The following ADAM23 variants were observed in gnomAD, a reference collection of about 807,000 sequenced individuals.
ADAM23 encodes the protein disintegrin and metalloproteinase domain-containing protein 23.
Under a neutral mutation model 120.1 loss-of-function variants are expected in ADAM23, and 33 were observed. The ratio of observed to expected loss-of-function variants is 0.27; its 90% CI spans 0.21 to 0.37. The LOEUF is 0.37. Ranked by LOEUF, ADAM23 falls within the 10% of genes least tolerant of loss-of-function variation. The pLI is 1.00. For missense variants in ADAM23, 862 were observed against 1,058.2 expected (o/e 0.81, Z 2.57); for synonymous variants, 367 against 375.2 (o/e 0.98, Z 0.25).
intron 24 of ADAM23, among the ~76,000 whole-genome samples, chr2:206,597,873 C>G (rs1698560262): frequency 6.6e-6 from 1 of 152,130 alleles, no homozygotes; most frequent in Non-Finnish European, 1.5e-5. Context: ...CTCTGTAGTC[C>G]TCAATTCCTG....
At chr2:206,499,609 T>C (rs1696342578) in intron 3 of ADAM23, among the ~76,000 whole-genome samples, 1 of 151,986 alleles carries the variant, frequency 6.6e-6, no homozygotes, top group Non-Finnish European at 1.5e-5. Flanking sequence ...CTGCACGTTG[T>C]GCACATGTAC....
chr2:206,564,941 G>T, intron 13 of ADAM23, 79 bp from the exon 14 acceptor site: 2 of 1,427,956 alleles, frequency 1.4e-6, no homozygotes, highest in Non-Finnish European at 9.9e-7. Flanking sequence ...AATTATTGTA[G>T]GAGTTGTAAT....
At position 206,551,305 on chromosome 2, in the gene ADAM23, C is replaced by T. The variant is rs145919148; in HGVS notation, c.933+1145C>T. On this transcript the variant is annotated intron_variant, in intron 9 of 25. Transcript: ENST00000264377. ...GGAGAGGATGTATCTAGTTGGCTCT[C>T]GGGATCTGATGGGAGCTGGCTCCAG... Among the ~76,000 whole-genome samples the T allele has an allele frequency of 1.9e-3, 292 of 152,156 alleles. 7 individuals carry two copies. In the East Asian group the frequency reaches 0.044, roughly 23 times the overall value.
At chr2:206,516,323 C>T (rs1229840086) in intron 3 of ADAM23, among the ~76,000 whole-genome samples, 3 of 151,328 alleles carry the variant, frequency 2.0e-5, no homozygotes, top group South Asian at 2.1e-4. Flanking sequence ...AATGTAAATG[C>T]GTTTTTTTTC....
At chr2:206,471,938 A>G (rs553928486) in intron 2 of ADAM23, among the ~76,000 whole-genome samples, 2 of 152,360 alleles carry the variant, frequency 1.3e-5, no homozygotes, top group African/African-American at 4.8e-5. Flanking sequence ...TGCTTTACCC[A>G]TTTTAAATAG....
chr2:206,590,564 T>C (rs545319037), intron 21 of ADAM23, among the ~76,000 whole-genome samples: 143 of 152,320 alleles, frequency 9.4e-4, no homozygotes, highest in African/African-American at 3.1e-3. Flanking sequence ...AGAGCAAGAA[T>C]TTAAGGGAAG....
intron 3 of ADAM23, among the ~76,000 whole-genome samples, chr2:206,521,642 C>G (rs1696844318): frequency 6.6e-6 from 1 of 152,102 alleles, no homozygotes; most frequent in Non-Finnish European, 1.5e-5. Context: ...TATAAACATA[C>G]TTCTAAAAAG....
At chr2:206,526,487 A>G (rs1435017960) in intron 3 of ADAM23, among the ~76,000 whole-genome samples, 1 of 152,184 alleles carries the variant, frequency 6.6e-6, no homozygotes, top group Non-Finnish European at 1.5e-5. Context: ...TCTCCAAATC[A>G]TGATGAAAGG....
intron 3 of ADAM23, among the ~76,000 whole-genome samples, chr2:206,519,727 A>G (rs1288807141): frequency 6.6e-6 from 1 of 152,146 alleles, no homozygotes; most frequent in East Asian, 1.9e-4. Flanking sequence ...TTTAAGAAGA[A>G]CCAGCCTGGC....
intron 17 of ADAM23, among the ~76,000 whole-genome samples, chr2:206,572,111 A>G (rs1467430764): frequency 1.3e-5 from 2 of 152,212 alleles, no homozygotes; most frequent in Non-Finnish European, 2.9e-5. Context: ...AAATTGTTGA[A>G]TAGAGGGGAG....
rs576036533 is a variant in ADAM23, at chr2:206,501,446, A to G, written c.509+20138A>G. Among the ~76,000 whole-genome samples, 409 of 152,210 alleles carry G rather than the reference A, an allele frequency of 2.7e-3. 2 individuals carry two copies. The highest frequency in any genetic ancestry group is 3.8e-3 in the Non-Finnish European group (256 of 67,996). ...GAGCATTAGGCTACTTCATTCAGTT[A>G]TCAGCACCTCCTGGAAATTGGTTCC... On this transcript the variant is annotated intron_variant, in intron 3 of 25. Transcript: ENST00000264377.
At chr2:206,581,316 A>T (rs1574547161) in intron 18 of ADAM23, among the ~76,000 whole-genome samples, 1 of 151,902 alleles carries the variant, frequency 6.6e-6, no homozygotes, top group African/African-American at 2.4e-5. Flanking sequence ...ATGACCTCAG[A>T]TTGTCTGTCT....
At chr2:206,523,131 A>C (rs921677912) in intron 3 of ADAM23, among the ~76,000 whole-genome samples, 5 of 151,626 alleles carry the variant, frequency 3.3e-5, no homozygotes, top group Admixed American at 2.0e-4. Flanking sequence ...TTGTTTCTCC[A>C]CTCTACAATT....
In ADAM23 at chr2:206,571,709, G is replaced by A. The variant is rs200493974; in HGVS notation, c.1567-18G>A. 2.3e-5 allele frequency: 37 copies of A among 1,604,296 alleles called. No individual in the cohort carries two copies. The highest frequency in any genetic ancestry group is 1.3e-4 in the Admixed American group (8 of 59,988). ...CAGGTAAGGCTCTTCGCTTACTCAC[G>A]TGAAGTGTTTTCTCTAGGAATGCTA... On this transcript the variant is annotated intron_variant, in intron 16 of 25. Coordinates refer to ENST00000264377, the MANE Select transcript of ADAM23 (RefSeq NM_003812.4).
At chr2:206,476,968 G>A (rs1288817116) in intron 2 of ADAM23, among the ~76,000 whole-genome samples, 1 of 152,154 alleles carries the variant, frequency 6.6e-6, no homozygotes, top group African/African-American at 2.4e-5. Context: ...ATGAAAACAT[G>A]TATATCCTGC....
At position 206,579,876 on chromosome 2, in the gene ADAM23, A is replaced by G. The variant is rs139270681; in HGVS notation, c.1737+6681A>G. 9.2e-5 allele frequency among the ~76,000 whole-genome samples: 14 copies of G among 151,880 alleles called. 1 individual carries two copies. In the East Asian group the frequency reaches 2.5e-3, roughly 27 times the overall value. ...ATCTGTGAGCATGGGATGTATTTCCATTTGTTTGTGTCATCCATGATTTCT... is the reference window on the plus strand; with the variant it reads ...ATCTGTGAGCATGGGATGTATTTCCGTTTGTTTGTGTCATCCATGATTTCT... On this transcript the variant is annotated intron_variant, in intron 18 of 25. Transcript: ENST00000264377.
In ADAM23 at chr2:206,611,193, T is replaced by G. The variant is rs138196742; in HGVS notation, c.2450+1193T>G. Among the ~76,000 whole-genome samples the G allele has an allele frequency of 7.5e-4, 114 of 152,354 alleles. 1 individual carries two copies. The East Asian group carries it at 8.7e-3, about 12-fold the overall frequency. The stretch of plus-strand genomic sequence containing the variant: ...GTAAGTCTACAGTTTTGGAGTGCCT[T>G]TAACTTGAAATAGTATTATAAAATT... On this transcript the variant is annotated intron_variant, in intron 25 of 25. Transcript: ENST00000264377.
chr2:206,620,218 T>A lies in ADAM23; in HGVS notation c.*2591T>A, dbSNP rs892858154. 2 of 152,214 alleles carry A rather than the reference T, an allele frequency of 1.3e-5. No individual in the cohort carries two copies. The highest frequency in any genetic ancestry group is 1.3e-4 in the Admixed American group (2 of 15,282). 9.4% of individuals were successfully genotyped at this position (152,214 alleles called of 1,614,324 possible). On this transcript the variant is annotated 3_prime_UTR_variant, in exon 26 of 26. Transcript: ENST00000264377. ...CACAAACAACATTGTAAATGTGCGATGTTACGTTTTAAATCAGACCACAGT... is the reference window on the plus strand; with the variant it reads ...CACAAACAACATTGTAAATGTGCGAAGTTACGTTTTAAATCAGACCACAGT...
chr2:206,587,682 A>G (rs563740121), intron 19 of ADAM23, among the ~76,000 whole-genome samples: 1 of 152,238 alleles, frequency 6.6e-6, no homozygotes, highest in East Asian at 1.9e-4. Context: ...GAAAGAAAAT[A>G]TGACAATCTG....
Sources: allele counts gnomAD v4.1 joint callset (sites outside exome capture counted in the v4.1 genomes callset), GRCh38; gene constraint gnomAD v4.1.1; transcripts MANE v1.5; gene names NCBI Gene and HGNC (gene_info 2026-07-23, HGNC 2026-07-21).